The following SLCO3A1 variants were observed in gnomAD, a reference collection of about 807,000 sequenced individuals.
The protein encoded by SLCO3A1 is solute carrier organic anion transporter family member 3A1, also known as PGE1 transporter.
SLCO3A1 carries 27 observed loss-of-function variants against 63.1 expected under a neutral mutation model. The observed-to-expected ratio is 0.43, with a 90% CI of 0.32 to 0.59. The LOEUF (loss-of-function observed/expected upper bound fraction) is 0.59. Ranked by LOEUF, SLCO3A1 falls within the 20% of genes least tolerant of loss-of-function variation. SLCO3A1 has a pLI of 0.09. For synonymous variants in SLCO3A1, 473 were observed against 409.9 expected (o/e 1.15, Z -1.86); for missense variants, 773 against 945.8 (o/e 0.82, Z 2.40).
chr15:91,940,234 G>C (rs1300499828), intron 2 of SLCO3A1, among the ~76,000 whole-genome samples: 1 of 152,144 alleles, frequency 6.6e-6, no homozygotes, highest in East Asian at 1.9e-4. Flanking sequence ...TCAGTGTCCT[G>C]TCTGTTTCTG....
At chr15:92,019,183 G>T (rs2046476281) in intron 2 of SLCO3A1, among the ~76,000 whole-genome samples, 1 of 152,138 alleles carries the variant, frequency 6.6e-6, no homozygotes, top group South Asian at 2.1e-4. Flanking sequence ...CAGAGGTTGT[G>T]TGTGAGATTT....
chr15:91,926,991 A>C (rs1361579158), intron 2 of SLCO3A1, among the ~76,000 whole-genome samples: 3 of 152,128 alleles, frequency 2.0e-5, no homozygotes, highest in Non-Finnish European at 2.9e-5. Flanking sequence ...GGCTGTATGG[A>C]GTGACAGATG....
chr15:92,076,750 A>T (rs2047282390), intron 2 of SLCO3A1, among the ~76,000 whole-genome samples: 1 of 152,212 alleles, frequency 6.6e-6, no homozygotes. Flanking sequence ...CTGCACTCAG[A>T]GCCCCATCTG....
chr15:92,068,115 C>T (rs1451774843), intron 2 of SLCO3A1, among the ~76,000 whole-genome samples: 1 of 152,148 alleles, frequency 6.6e-6, no homozygotes, highest in African/African-American at 2.4e-5. Flanking sequence ...ACGTTCAGAC[C>T]ATAGCAGTAC....
chr15:92,059,012 G>A (rs1049014630), intron 2 of SLCO3A1, among the ~76,000 whole-genome samples: 11 of 152,006 alleles, frequency 7.2e-5, no homozygotes, highest in South Asian at 2.1e-4. Context: ...CAAATGCATC[G>A]CACTCACAAG....
chr15:91,861,699 A>T (rs968350946), intron 1 of SLCO3A1, among the ~76,000 whole-genome samples: 3 of 152,150 alleles, frequency 2.0e-5, no homozygotes, highest in Admixed American at 6.5e-5. Context: ...CAGTGGCAGG[A>T]TCACAGCTTG....
chr15:91,961,133 A>G (rs1382731168), intron 2 of SLCO3A1, among the ~76,000 whole-genome samples: 15 of 152,148 alleles, frequency 9.9e-5, no homozygotes, highest in Admixed American at 9.8e-4. Context: ...CTGAAACGTG[A>G]TTTTTGAATA....
At position 92,163,077 on chromosome 15, in the gene SLCO3A1, A is replaced by C. The variant is rs1428571676; in HGVS notation, c.2075A>C (p.Lys692Thr). Residue 692 changes from lysine (K) to threonine (T), a missense_variant, in exon 10 of 10, where the codon AAG becomes ACG. Lys to Thr is a moderately conservative substitution (Grantham distance 78). Transcript: ENST00000318445. ...CCCGCAAACCAGACACATAGGACAA[A>C]GTTTATCTATAACCTGGAAGACCAT... is the stretch of plus-strand genomic sequence containing the variant. ...PVPANQTHRT[K>T]FIYNLEDHEW... The C allele has an allele frequency of 6.4e-7, 1 of 1,552,060 alleles. No individual in the cohort carries two copies. Among genetic ancestry groups the C allele is most frequent in the South Asian group, 1.3e-5 (1 of 79,218 alleles).
chr15:91,914,571 T>TG (rs1206197238), intron 1 of SLCO3A1, among the ~76,000 whole-genome samples: 3 of 148,710 alleles, frequency 2.0e-5, no homozygotes, highest in Non-Finnish European at 4.5e-5. Flanking sequence ...TTCTTCCTTT[T>TG]TTTTTTTTTT....
chr15:92,154,962 T>C (rs2048353467), intron 9 of SLCO3A1, among the ~76,000 whole-genome samples: 1 of 152,152 alleles, frequency 6.6e-6, no homozygotes, highest in African/African-American at 2.4e-5. Context: ...GTGGAGCAGT[T>C]CTGACCAATG....
At chr15:92,015,646 CA>C (rs755259513) in intron 2 of SLCO3A1, among the ~76,000 whole-genome samples, 2 of 152,056 alleles carry the variant, frequency 1.3e-5, no homozygotes, top group Non-Finnish European at 2.9e-5. Flanking sequence ...AGTAAGCAAG[CA>C]GGAAGATGGC....
At chr15:91,987,417 A>C (rs2046067871) in intron 2 of SLCO3A1, among the ~76,000 whole-genome samples, 1 of 152,150 alleles carries the variant, frequency 6.6e-6, no homozygotes, top group African/African-American at 2.4e-5. Context: ...GCTCTCTTGG[A>C]ATTTATGTAT....
chr15:92,026,222 G>A (rs2046572449), intron 2 of SLCO3A1, among the ~76,000 whole-genome samples: 1 of 152,156 alleles, frequency 6.6e-6, no homozygotes, highest in Non-Finnish European at 1.5e-5. Flanking sequence ...GCAGTCTTGG[G>A]TGTGACCTCC....
chr15:92,064,057 T>C (rs1480009425), intron 2 of SLCO3A1, among the ~76,000 whole-genome samples: 1 of 152,182 alleles, frequency 6.6e-6, no homozygotes, highest in African/African-American at 2.4e-5. Flanking sequence ...AGTTAACCTC[T>C]CCAACAGCCT....
At chr15:92,088,133 T>C (rs1364089253) in intron 2 of SLCO3A1, among the ~76,000 whole-genome samples, 1 of 152,156 alleles carries the variant, frequency 6.6e-6, no homozygotes, top group Non-Finnish European at 1.5e-5. Context: ...GGGCAAGCAA[T>C]TGCCAAGAAG....
intron 7 of SLCO3A1, among the ~76,000 whole-genome samples, chr15:92,132,632 A>AG (rs397829800): frequency 7.0e-6 from 1 of 142,986 alleles, no homozygotes; most frequent in East Asian, 1.9e-4. Flanking sequence ...AAAAAAAAAA[A>AG]CTTCCATCAG....
intron 2 of SLCO3A1, among the ~76,000 whole-genome samples, chr15:91,993,537 A>G (rs960915379): frequency 2.0e-5 from 3 of 152,354 alleles, no homozygotes; most frequent in East Asian, 3.9e-4. Context: ...TTTCATCCAC[A>G]CATCCATTCT....
chr15:92,115,400 C>T (rs768691968), intron 4 of SLCO3A1, among the ~76,000 whole-genome samples: 11 of 152,124 alleles, frequency 7.2e-5, no homozygotes, highest in Non-Finnish European at 1.5e-4. Flanking sequence ...TGCAGCAAGT[C>T]GTGTATCCCC....
chr15:91,975,370 A>C (rs1901061886), intron 2 of SLCO3A1, among the ~76,000 whole-genome samples: 1 of 152,204 alleles, frequency 6.6e-6, no homozygotes, highest in South Asian at 2.1e-4. Context: ...ACACACATGC[A>C]GTGTCCCCTG....
Sources: allele counts gnomAD v4.1 joint callset (sites outside exome capture counted in the v4.1 genomes callset), GRCh38; gene constraint gnomAD v4.1.1; transcripts MANE v1.5; gene names NCBI Gene and HGNC (gene_info 2026-07-23, HGNC 2026-07-21).